Variants in SLC24A2 observed in about 807,000 individuals in gnomAD.
SLC24A2 encodes solute carrier family 24 member 2.
A neutral mutation model predicts 62.0 loss-of-function variants in SLC24A2; 36 were observed. The ratio of observed to expected loss-of-function variants is 0.58; its 90% confidence interval spans 0.44 to 0.77. The LOEUF (loss-of-function observed/expected upper bound fraction) is 0.77. Ranked by LOEUF, SLC24A2 falls within the 30% of genes least tolerant of loss-of-function variation. SLC24A2 has a pLI of 0.00. For synonymous variants in SLC24A2, 358 were observed against 294.0 expected (o/e 1.22, Z -2.23); for missense variants, 846 against 817.9 (o/e 1.03, Z -0.42).
chr9:19,837,642 A>T, the SLC24A2 span, among the ~76,000 whole-genome samples: 2 of 152,146 alleles, frequency 1.3e-5, no homozygotes, highest in Non-Finnish European at 2.9e-5. Flanking sequence ...CTGTTTGCAG[A>T]TGACATAATT....
At chr9:19,606,658 G>GCA (rs537134225) in intron 4 of SLC24A2, among the ~76,000 whole-genome samples, 10 of 151,376 alleles carry the variant, frequency 6.6e-5, no homozygotes, top group South Asian at 6.3e-4. Flanking sequence ...ACACACACAC[G>GCA]CACACACACA....
chr9:19,525,391 CTTTTTTTT>C (rs572919824), intron 9 of SLC24A2, among the ~76,000 whole-genome samples: 5 of 76,374 alleles, frequency 6.5e-5, no homozygotes, highest in African/African-American at 1.7e-4. Context: ...TATTTCTTTA[CTTTTTTTT>C]TTTTTTTTTT....
chr9:19,785,230 G>A (rs915403966), intron 2 of SLC24A2, among the ~76,000 whole-genome samples: 1 of 152,208 alleles, frequency 6.6e-6, no homozygotes, highest in African/African-American at 2.4e-5. Flanking sequence ...GGATGGCCAC[G>A]ATTGTTATTA....
chr9:20,136,058 C>T, the SLC24A2 span, among the ~76,000 whole-genome samples: 3 of 152,040 alleles, frequency 2.0e-5, no homozygotes, highest in Non-Finnish European at 2.9e-5. Flanking sequence ...TTTGAGGGGT[C>T]TATTTCTGGT....
At chr9:20,059,030 G>T in the SLC24A2 span, among the ~76,000 whole-genome samples, 1 of 152,164 alleles carries the variant, frequency 6.6e-6, no homozygotes, top group South Asian at 2.1e-4. Flanking sequence ...AGTATTTAAG[G>T]CAAGACTATA....
At chr9:19,563,594 T>C (rs1835506056) in intron 7 of SLC24A2, among the ~76,000 whole-genome samples, 1 of 152,182 alleles carries the variant, frequency 6.6e-6, no homozygotes, top group Non-Finnish European at 1.5e-5. Context: ...TTACGAAATC[T>C]TCCAAAGAGG....
the SLC24A2 span, among the ~76,000 whole-genome samples, chr9:20,243,062 T>C: frequency 1.3e-5 from 2 of 152,184 alleles, no homozygotes; most frequent in Non-Finnish European, 2.9e-5. Flanking sequence ...TTCAAATTAG[T>C]AGAGACTTCC....
At chr9:20,013,867 A>G in the SLC24A2 span, among the ~76,000 whole-genome samples, 1 of 152,220 alleles carries the variant, frequency 6.6e-6, no homozygotes, top group Non-Finnish European at 1.5e-5. Flanking sequence ...GCAAATTAAA[A>G]CCACAAGGAA....
chr9:19,663,258 G>C (rs1819153990), intron 2 of SLC24A2, among the ~76,000 whole-genome samples: 1 of 152,230 alleles, frequency 6.6e-6, no homozygotes, highest in Non-Finnish European at 1.5e-5. Context: ...AGTGCCATGA[G>C]AGGAATAAGA....
chr9:19,789,149 C>G (rs990574033), upstream of SLC24A2, among the ~76,000 whole-genome samples: 1 of 152,220 alleles, frequency 6.6e-6, no homozygotes, highest in Non-Finnish European at 1.5e-5. Flanking sequence ...GCTCAGCTCC[C>G]GAGTCCTTTG....
intron 7 of SLC24A2, among the ~76,000 whole-genome samples, chr9:19,565,366 T>C (rs1482379779): frequency 1.3e-5 from 2 of 148,830 alleles, no homozygotes; most frequent in African/African-American, 5.0e-5. Flanking sequence ...CCATTCACAA[T>C]TGCTTCAAAG....
the SLC24A2 span, among the ~76,000 whole-genome samples, chr9:20,205,375 G>T: frequency 6.6e-6 from 1 of 152,140 alleles, no homozygotes; most frequent in African/African-American, 2.4e-5. Context: ...TAGGCCGGGC[G>T]CAATGGTTTA....
At chr9:19,530,181 A>G (rs886344539) in intron 8 of SLC24A2, among the ~76,000 whole-genome samples, 1 of 147,914 alleles carries the variant, frequency 6.8e-6, no homozygotes, top group Non-Finnish European at 1.5e-5. Context: ...CATTTAGCTT[A>G]TTAAAGTTCC....
rs186428647 is a variant in SLC24A2 at position 19,523,243 on chromosome 9, G to A, written c.1570-2183C>T. Among the ~76,000 whole-genome samples, 363 of 152,302 alleles carry A rather than the reference G, an allele frequency of 2.4e-3. 2 individuals are homozygous for A. Among genetic ancestry groups the A allele is most frequent in the Non-Finnish European group, 3.7e-3 (250 of 68,028 alleles). On this transcript the variant is annotated intron_variant, in intron 9 of 10. Coordinates refer to ENST00000341998, the MANE Select transcript of SLC24A2 (RefSeq NM_020344.4). ...TGAAGAGGAGAAAAATGGTGGTGTG[G>A]TTAAGAGCACTGGCTTGGGAGATGA...
chr9:20,248,393 A>C, the SLC24A2 span, among the ~76,000 whole-genome samples: 3 of 152,218 alleles, frequency 2.0e-5, no homozygotes, highest in Admixed American at 6.5e-5. Context: ...TAAGCAACAG[A>C]AATTTCTCAC....
At chr9:20,090,350 G>A in the SLC24A2 span, among the ~76,000 whole-genome samples, 3 of 152,182 alleles carry the variant, frequency 2.0e-5, no homozygotes, top group African/African-American at 7.2e-5. Context: ...CATAAGCCCT[G>A]AGATCACCCC....
the SLC24A2 span, among the ~76,000 whole-genome samples, chr9:20,042,353 G>A: frequency 2.0e-5 from 3 of 152,212 alleles, no homozygotes; most frequent in African/African-American, 7.2e-5. Context: ...GAATATCTGA[G>A]AAAGCATCAA....
the SLC24A2 span, among the ~76,000 whole-genome samples, chr9:19,956,172 C>T: frequency 6.6e-6 from 1 of 152,198 alleles, no homozygotes; most frequent in Non-Finnish European, 1.5e-5. Flanking sequence ...GTAGCCAGAT[C>T]TCAAACAGAT....
chr9:20,277,651 A>G, the SLC24A2 span, among the ~76,000 whole-genome samples: 1 of 152,226 alleles, frequency 6.6e-6, no homozygotes, highest in Non-Finnish European at 1.5e-5. Context: ...ACTGTGAACT[A>G]GTTCAGCCAT....
Sources: allele counts gnomAD v4.1 joint callset (sites outside exome capture counted in the v4.1 genomes callset), GRCh38; gene constraint gnomAD v4.1.1; transcripts MANE v1.5; gene names NCBI Gene and HGNC (gene_info 2026-07-23, HGNC 2026-07-21).